GPC6: variants seen among roughly 807,000 people sequenced by gnomAD.
GPC6 encodes the protein glypican-6.
A neutral mutation model predicts 55.2 loss-of-function variants in GPC6; 14 were observed. The ratio of observed to expected loss-of-function variants is 0.25; its 90% CI spans 0.17 to 0.40. The LOEUF (loss-of-function observed/expected upper bound fraction) is 0.40. GPC6 is among the 10% of genes least tolerant of loss of function. The pLI, the probability that GPC6 is intolerant of heterozygous loss-of-function variation, is 1.00. For synonymous variants in GPC6, 278 were observed against 259.6 expected, an observed-to-expected ratio of 1.07 and a Z score of -0.68; for missense variants, 641 against 708.5, an observed-to-expected ratio of 0.90 and a Z score of 1.08.
At chr13:93,919,664 G>A (rs1324396243) in intron 3 of GPC6, among the ~76,000 whole-genome samples, 1 of 152,186 alleles carries the variant, frequency 6.6e-6, no homozygotes, top group African/African-American at 2.4e-5. Flanking sequence ...AAAAAAATAT[G>A]AAGTTATATA....
intron 4 of GPC6, among the ~76,000 whole-genome samples, chr13:94,070,311 T>G (rs1028040398): frequency 6.6e-6 from 1 of 152,188 alleles, no homozygotes; most frequent in Non-Finnish European, 1.5e-5. Context: ...AGGTTCCTCC[T>G]GTGACATGTA....
At chr13:94,237,658 A>T (rs1268896973) in intron 4 of GPC6, among the ~76,000 whole-genome samples, 1 of 152,138 alleles carries the variant, frequency 6.6e-6, no homozygotes, top group Non-Finnish European at 1.5e-5. Context: ...GCAAGCTAGG[A>T]GTGTCTCCAT....
intron 2 of GPC6, among the ~76,000 whole-genome samples, chr13:93,784,424 C>A (rs1016727587): frequency 6.6e-6 from 1 of 152,142 alleles, no homozygotes; most frequent in South Asian, 2.1e-4. Flanking sequence ...AGGGAAATTT[C>A]TGTTTATGTA....
At chr13:94,260,666 A>G (rs1891631501) in intron 4 of GPC6, among the ~76,000 whole-genome samples, 1 of 152,180 alleles carries the variant, frequency 6.6e-6, no homozygotes, top group African/African-American at 2.4e-5. Flanking sequence ...ACTTCAGCAT[A>G]TGAATCTGCA....
upstream of GPC6, among the ~76,000 whole-genome samples, chr13:93,224,806 CA>C (rs1875713313): frequency 6.6e-6 from 1 of 152,286 alleles, no homozygotes; most frequent in South Asian, 2.1e-4. Context: ...GGGTTAAGGT[CA>C]CCAGTAAAGC....
intron 3 of GPC6, among the ~76,000 whole-genome samples, chr13:93,991,386 A>T (rs1881298505): frequency 6.7e-6 from 1 of 149,488 alleles, no homozygotes; most frequent in South Asian, 2.1e-4. Context: ...AATATCCTTA[A>T]CTATTAATAA....
intron 4 of GPC6, among the ~76,000 whole-genome samples, chr13:94,259,754 A>G (rs1237298930): frequency 6.6e-6 from 1 of 152,144 alleles, no homozygotes; most frequent in Non-Finnish European, 1.5e-5. Context: ...CTGGAATCAC[A>G]TAGTATTTGT....
intron 3 of GPC6, among the ~76,000 whole-genome samples, chr13:93,954,710 C>A (rs527727822): frequency 6.6e-6 from 1 of 152,256 alleles, no homozygotes; most frequent in Non-Finnish European, 1.5e-5. Context: ...GGGAAGCTCC[C>A]AGCAGACACT....
At chr13:94,296,515 G>A (rs551118484) in intron 5 of GPC6, among the ~76,000 whole-genome samples, 1 of 152,342 alleles carries the variant, frequency 6.6e-6, no homozygotes, top group South Asian at 2.1e-4. Context: ...CATGGGCAGT[G>A]AAGTATTGTG....
intron 6 of GPC6, among the ~76,000 whole-genome samples, chr13:94,357,620 G>GT (rs1244347776): frequency 6.6e-6 from 1 of 152,164 alleles, no homozygotes; most frequent in East Asian, 1.9e-4. Flanking sequence ...AGTGGTCACA[G>GT]CCCTAAGGTA....
intron 2 of GPC6, among the ~76,000 whole-genome samples, chr13:93,729,671 A>C (rs1416062777): frequency 6.6e-6 from 1 of 152,194 alleles, no homozygotes; most frequent in Non-Finnish European, 1.5e-5. Flanking sequence ...GGATCTACTA[A>C]AGCTAAATAT....
intron 3 of GPC6, among the ~76,000 whole-genome samples, chr13:93,875,688 T>A (rs1457286108): frequency 6.6e-6 from 1 of 152,076 alleles, no homozygotes; most frequent in Non-Finnish European, 1.5e-5. Flanking sequence ...TAGCTTAGTA[T>A]GTGACACCTG....
chr13:93,393,107 G>GATATATATATATATATATATATAT, intron 1 of GPC6, among the ~76,000 whole-genome samples: 1 of 114,776 alleles, frequency 8.7e-6, no homozygotes, highest in South Asian at 3.1e-4. Context: ...ATGTATATTT[G>GATATATATATATATATATATATAT]ATATATATAT....
intron 2 of GPC6, among the ~76,000 whole-genome samples, chr13:93,791,587 C>A (rs185046326): frequency 1.3e-5 from 2 of 152,214 alleles, no homozygotes; most frequent in Admixed American, 1.3e-4. Context: ...TATGCACAGG[C>A]CTCGTTGTTT....
chr13:93,631,064 C>G (rs1879407620), intron 2 of GPC6, among the ~76,000 whole-genome samples: 2 of 152,144 alleles, frequency 1.3e-5, no homozygotes, highest in South Asian at 4.1e-4. Flanking sequence ...TTGTAGGATT[C>G]TTAGTTCAGG....
chr13:93,604,636 A>T (rs985248260), intron 2 of GPC6, among the ~76,000 whole-genome samples: 4 of 152,144 alleles, frequency 2.6e-5, no homozygotes, highest in Non-Finnish European at 4.4e-5. Context: ...GAAAAATCGC[A>T]GTATAAGACA....
At chr13:94,002,956 G>A (rs1488358125) in intron 3 of GPC6, among the ~76,000 whole-genome samples, 1 of 152,154 alleles carries the variant, frequency 6.6e-6, no homozygotes, top group African/African-American at 2.4e-5. Context: ...CATTTGATAG[G>A]ATCCTGCTAT....
At chr13:93,400,338 C>CAA (rs11345982) in intron 1 of GPC6, among the ~76,000 whole-genome samples, 1,939 of 142,004 alleles carry the variant, frequency 0.014, 25 homozygotes, top group Middle Eastern at 0.026. Flanking sequence ...AGGCACTGGT[C>CAA]AAAAAAAAAA....
chr13:93,508,076 T>C (rs1391523563), intron 1 of GPC6, among the ~76,000 whole-genome samples: 1 of 152,188 alleles, frequency 6.6e-6, no homozygotes, highest in Non-Finnish European at 1.5e-5. Flanking sequence ...GAAGATTTAA[T>C]TAAGCAAGTT....
Sources: gnomAD v4.1 joint callset for allele counts (sites outside exome capture counted in the v4.1 genomes callset) on GRCh38, gnomAD v4.1.1 for gene constraint, MANE v1.5 for transcripts, NCBI Gene and HGNC (gene_info 2026-07-23, HGNC 2026-07-21) for gene names.